The following SEC14L5 variants were observed in gnomAD, a reference collection of about 807,000 sequenced individuals.
SEC14L5 encodes SEC14 like lipid binding 5.
Under a neutral mutation model 84.6 loss-of-function variants are expected in SEC14L5, and 96 were observed. The observed-to-expected ratio is 1.13, with a 90% confidence interval of 0.96 to 1.34. SEC14L5 has a LOEUF of 1.34. Among genes scored for constraint, SEC14L5 ranks in the 40% most tolerant of loss-of-function variants. SEC14L5 has a pLI of 0.00. For synonymous variants in SEC14L5, 546 were observed against 383.4 expected (o/e 1.42, Z -4.95); for missense variants, 1,224 against 942.5 (o/e 1.30, Z -3.91).
At chr16:5,002,298 A>AT (rs71402579) in intron 10 of SEC14L5, among the ~76,000 whole-genome samples, 7,948 of 133,624 alleles carry the variant, frequency 0.059, 543 homozygotes, top group African/African-American at 0.15. Context: ...CTGTTTGCAG[A>AT]TTTTTTTTTT....
intron 7 of SEC14L5, 39 bp from the exon 8 acceptor site, chr16:4,996,816 G>C: frequency 6.6e-7 from 1 of 1,523,262 alleles, no homozygotes; most frequent in Non-Finnish European, 9.0e-7. Context: ...TGGGTCAGGG[G>C]ATACCGTTCT....
At position 4,964,463 on chromosome 16, in the gene SEC14L5, G is replaced by C. The variant is rs145240509; in HGVS notation, c.63+5077G>C. 1.5e-3 allele frequency among the ~76,000 whole-genome samples: 230 copies of C among 152,174 alleles called. 1 individual carries two copies. Among genetic ancestry groups the C allele is most frequent in the Admixed American group, 6.1e-3 (93 of 15,274 alleles). ...TACCTAAGTGTGGTGGTGCATGCTT[G>C]TAATCCCAGCTAGTCGGGAGGCTGA... On this transcript the variant is annotated intron_variant, in intron 2 of 15. Coordinates refer to ENST00000251170, the MANE Select transcript of SEC14L5 (RefSeq NM_014692.2).
At chr16:5,003,101 A>T (rs567057222) in intron 10 of SEC14L5, among the ~76,000 whole-genome samples, 1 of 152,174 alleles carries the variant, frequency 6.6e-6, no homozygotes, top group Non-Finnish European at 1.5e-5. Flanking sequence ...ATCTCACTTG[A>T]TCCTAACAGC....
intron 2 of SEC14L5, among the ~76,000 whole-genome samples, chr16:4,971,970 C>G (rs1003369403): frequency 2.6e-5 from 4 of 151,944 alleles, no homozygotes. Context: ...ATGTCCTATT[C>G]CAAACCATGA....
chr16:4,996,348 G>T lies in SEC14L5; in HGVS notation c.668G>T (p.Gly223Val). The T allele has an allele frequency of 6.5e-7, 1 of 1,545,434 alleles. No individual in the cohort carries two copies. The highest frequency in any genetic ancestry group is 2.4e-5 in the East Asian group (1 of 41,052). ...CTGAAGCTCCCCCTTCTCCTCCAAGGGGACAAGCTGGATGCGGACTACATT... is the reference window on the plus strand; with the variant it reads ...CTGAAGCTCCCCCTTCTCCTCCAAGTGGACAAGCTGGATGCGGACTACATT... Reference protein sequence around the residue: ...GPALEAVSMDGDKLDADYIER... With the variant: ...GPALEAVSMDVDKLDADYIER... The change falls in exon 7 of 16, where the codon GGG (glycine) becomes GTG (valine). Residue 223 changes from glycine (G) to valine (V), a missense_variant and splice_region_variant. Transcript: ENST00000251170.
At position 5,018,583 on chromosome 16, in the gene SEC14L5, C is replaced by T. The variant is rs1955899380; in HGVS notation, c.*3613C>T. 6.6e-6 allele frequency: 1 copy of T among 152,080 alleles called. No homozygotes were observed. Among genetic ancestry groups the T allele is most frequent in the Non-Finnish European group, 1.5e-5 (1 of 68,028 alleles). The allele number at this position is 152,080 out of a possible 1,614,324, so 9.4% of individuals were successfully genotyped here. ...TCGGGAGGCTGAGGCAGAAGGATTGCTTGGAGGTCAAGGCTGGAGTGAGCC... is the reference window on the plus strand; with the variant it reads ...TCGGGAGGCTGAGGCAGAAGGATTGTTTGGAGGTCAAGGCTGGAGTGAGCC... On this transcript the variant is annotated 3_prime_UTR_variant, in exon 16 of 16. Transcript: ENST00000251170.
chr16:4,989,703 C>G (rs530723648), intron 4 of SEC14L5, among the ~76,000 whole-genome samples: 1 of 152,318 alleles, frequency 6.6e-6, no homozygotes. Context: ...GGAGCTTGGG[C>G]TCAGGGTGTT....
At chr16:4,963,752 C>G (rs575956450) in intron 2 of SEC14L5, among the ~76,000 whole-genome samples, 2 of 152,198 alleles carry the variant, frequency 1.3e-5, no homozygotes, top group African/African-American at 2.4e-5. Flanking sequence ...CTCCTGGGCT[C>G]AAGCCATCCT....
At chr16:5,014,162 C>T (rs1955841730) in intron 15 of SEC14L5, among the ~76,000 whole-genome samples, 1 of 152,246 alleles carries the variant, frequency 6.6e-6, no homozygotes, top group African/African-American at 2.4e-5. Context: ...TTCAGTGCCT[C>T]AGTCGCATGG....
At chr16:5,005,616 C>G (rs1421172815) in intron 11 of SEC14L5, among the ~76,000 whole-genome samples, 2 of 151,884 alleles carry the variant, frequency 1.3e-5, no homozygotes, top group African/African-American at 4.8e-5. Context: ...AATCCCAGCA[C>G]TTTGGGAGGC....
chr16:4,987,537 C>T lies in SEC14L5; in HGVS notation c.64-20C>T. On this transcript the variant is annotated intron_variant, in intron 2 of 15. Transcript: ENST00000251170. ...CTCTGCCCCCCCCACCACGGCCGCT[C>T]ACTGCCGCTCTGCCCCCAGGCCTAC... is the stretch of plus-strand genomic sequence containing the variant. 6.5e-7 allele frequency: 1 copy of T among 1,528,800 alleles called. No individual in the cohort carries two copies. Among genetic ancestry groups the T allele is most frequent in the Non-Finnish European group, 8.8e-7 (1 of 1,137,856 alleles). 94.7% of individuals were successfully genotyped at this position (1,528,800 alleles called of 1,614,324 possible).
intron 15 of SEC14L5, among the ~76,000 whole-genome samples, chr16:5,011,877 A>C (rs1300208021): frequency 6.6e-6 from 1 of 152,178 alleles, no homozygotes. Context: ...GCCACAGCAG[A>C]AATGAAGGAG....
In SEC14L5 at chr16:4,980,008, T is replaced by C. The variant is rs139070873; in HGVS notation, c.64-7549T>C. Among the ~76,000 whole-genome samples, 47 of 152,288 alleles carry C rather than the reference T, an allele frequency of 3.1e-4. No individual in the cohort carries two copies. The East Asian group carries it at 8.5e-3, about 28-fold the overall frequency. On this transcript the variant is annotated intron_variant, in intron 2 of 15. Transcript: ENST00000251170. ...CCAGAGATTCTGAGGCAGGACACAG[T>C]GATTCAGGGTTGTCGTCTGGGTCAG...
rs144199579 is a variant in SEC14L5, at chr16:5,000,620, C to T, written c.971-35C>T. The T allele has an allele frequency of 6.1e-4, 903 of 1,490,466 alleles. 8 individuals are homozygous for T. In the South Asian group the frequency reaches 9.3e-3, roughly 15 times the overall value. The allele number at this position is 1,490,466 out of a possible 1,614,324, so 92.3% of individuals were successfully genotyped here. ...CCCTCGGAAGCAGTCCTCTAAATAA[C>T]GGGCTCTTCTTTCTGCTTGGCCCCA... is the stretch of plus-strand genomic sequence containing the variant. On this transcript the variant is annotated intron_variant, in intron 8 of 15. Coordinates refer to ENST00000251170, the MANE Select transcript of SEC14L5 (RefSeq NM_014692.2).
intron 2 of SEC14L5, among the ~76,000 whole-genome samples, chr16:4,961,984 G>GAC (rs369403043): frequency 4.0e-5 from 6 of 151,402 alleles, no homozygotes; most frequent in East Asian, 1.9e-4. Flanking sequence ...GAGGCAAACA[G>GAC]ACACACACAC....
At position 5,016,602 on chromosome 16, in the gene SEC14L5, C is replaced by T. The variant is rs1301334989; in HGVS notation, c.*1632C>T. The T allele has an allele frequency of 6.6e-6, 1 of 152,160 alleles. No individual in the cohort carries two copies. The highest frequency in any genetic ancestry group is 1.5e-5 in the Non-Finnish European group (1 of 68,046). The allele number at this position is 152,160 out of a possible 1,614,324, so 9.4% of individuals were successfully genotyped here. On this transcript the variant is annotated 3_prime_UTR_variant, in exon 16 of 16. Coordinates refer to ENST00000251170, the MANE Select transcript of SEC14L5 (RefSeq NM_014692.2). ...ACTGACATGGCTCTGTCAGCAGTGG[C>T]TGGTACCCTTGTCTCCTGGCCTTGC...
intron 2 of SEC14L5, among the ~76,000 whole-genome samples, chr16:4,984,106 C>T (rs1006128089): frequency 3.3e-5 from 5 of 152,156 alleles, no homozygotes; most frequent in South Asian, 2.1e-4. Flanking sequence ...CAAGCTTCAC[C>T]GCAATCAGCT....
At chr16:4,999,414 G>A (rs1306278533) in intron 8 of SEC14L5, among the ~76,000 whole-genome samples, 1 of 152,118 alleles carries the variant, frequency 6.6e-6, no homozygotes, top group Non-Finnish European at 1.5e-5. Context: ...AGACCAGCCT[G>A]GGCAACATAG....
chr16:4,983,602 C>A (rs1032925600), intron 2 of SEC14L5, among the ~76,000 whole-genome samples: 1 of 150,848 alleles, frequency 6.6e-6, no homozygotes, highest in African/African-American at 2.4e-5. Context: ...TGTGGCCAGG[C>A]GCGGTGGCTC....
Sources: allele counts gnomAD v4.1 joint callset (sites outside exome capture counted in the v4.1 genomes callset), GRCh38; gene constraint gnomAD v4.1.1; transcripts MANE v1.5; gene names NCBI Gene and HGNC (gene_info 2026-07-23, HGNC 2026-07-21).